ITGA2: variants seen among roughly 807,000 people sequenced by gnomAD.
ITGA2 encodes the protein integrin alpha-2.
Under a neutral mutation model 146.3 loss-of-function variants are expected in ITGA2, and 101 were observed. The observed-to-expected ratio is 0.69, with a 90% confidence interval of 0.59 to 0.81. The LOEUF is 0.81. Among genes scored for constraint, ITGA2 ranks in the 40% least tolerant of loss-of-function variants. ITGA2 has a pLI of 0.00. For missense variants in ITGA2, 1,281 were observed against 1,402.7 expected, an observed-to-expected ratio of 0.91 and a Z score of 1.39; for synonymous variants, 477 against 487.1, an observed-to-expected ratio of 0.98 and a Z score of 0.27.
chr5:53,003,745 A>C (rs1466803586), intron 1 of ITGA2, among the ~76,000 whole-genome samples: 2 of 152,214 alleles, frequency 1.3e-5, no homozygotes, highest in Non-Finnish European at 2.9e-5. Flanking sequence ...AAAGATTTCC[A>C]GACATATTTT....
chr5:53,079,270 G>A (rs1369910023), intron 24 of ITGA2, among the ~76,000 whole-genome samples: 1 of 152,126 alleles, frequency 6.6e-6, no homozygotes, highest in Non-Finnish European at 1.5e-5. Context: ...TTAACCAACA[G>A]AGCATTACTA....
intron 1 of ITGA2, among the ~76,000 whole-genome samples, chr5:53,023,068 T>G (rs1174810003): frequency 6.6e-6 from 1 of 152,238 alleles, no homozygotes; most frequent in Non-Finnish European, 1.5e-5. Flanking sequence ...GTCACCTTTG[T>G]TAAATATGTT....
chr5:53,018,750 T>G (rs1742524538), intron 1 of ITGA2, among the ~76,000 whole-genome samples: 1 of 152,176 alleles, frequency 6.6e-6, no homozygotes, highest in South Asian at 2.1e-4. Flanking sequence ...CTAAAATTAG[T>G]GAAATACTCT....
At chr5:53,021,206 A>G (rs1043465292) in intron 1 of ITGA2, among the ~76,000 whole-genome samples, 1 of 152,088 alleles carries the variant, frequency 6.6e-6, no homozygotes, top group Non-Finnish European at 1.5e-5. Context: ...TCTAGTTTAT[A>G]TGCTACCATT....
chr5:53,058,224 C>T (rs1008524209), intron 10 of ITGA2, 123 bp downstream of exon 10: 25 of 761,802 alleles, frequency 3.3e-5, no homozygotes, highest in Middle Eastern at 4.5e-4. Flanking sequence ...TTCCTAGTCA[C>T]GGTCATTTAG....
chr5:53,083,516 A>T (rs1390198062), intron 27 of ITGA2, 63 bp downstream of exon 27: 1 of 1,011,064 alleles, frequency 9.9e-7, no homozygotes, highest in East Asian at 2.4e-5. Context: ...TGCACTGACA[A>T]GTTCTTCCCC....
intron 1 of ITGA2, among the ~76,000 whole-genome samples, chr5:53,014,167 C>T (rs186332808): frequency 2.0e-4 from 30 of 152,140 alleles, no homozygotes; most frequent in Non-Finnish European, 3.2e-4. Context: ...TCAGCATCCT[C>T]GTCTTGTTCT....
chr5:53,075,520 G>T (rs566095926), intron 23 of ITGA2, among the ~76,000 whole-genome samples: 2 of 151,958 alleles, frequency 1.3e-5, no homozygotes, highest in Admixed American at 6.6e-5. Flanking sequence ...GAGTAGCCCA[G>T]AAAGGCAGAG....
chr5:53,046,435 C>A (rs1744091454), intron 4 of ITGA2, among the ~76,000 whole-genome samples: 1 of 151,844 alleles, frequency 6.6e-6, no homozygotes, highest in Non-Finnish European at 1.5e-5. Context: ...AACATCAGTG[C>A]ATAAATGAAT....
At chr5:53,040,202 A>C (rs932286064) in intron 2 of ITGA2, among the ~76,000 whole-genome samples, 3 of 152,210 alleles carry the variant, frequency 2.0e-5, no homozygotes, top group Non-Finnish European at 2.9e-5. Flanking sequence ...TATGACTGAA[A>C]TGTGATTTCA....
At chr5:53,058,171 A>C (rs2111952372) in intron 10 of ITGA2, 70 bp downstream of exon 10, 1 of 1,161,668 alleles carries the variant, frequency 8.6e-7, no homozygotes, top group South Asian at 1.2e-5. Context: ...GTAGCCTTAT[A>C]CATAAAATGG....
chr5:53,007,006 G>A (rs1741891149), intron 1 of ITGA2, among the ~76,000 whole-genome samples: 1 of 152,134 alleles, frequency 6.6e-6, no homozygotes, highest in Non-Finnish European at 1.5e-5. Flanking sequence ...ATCACAAACA[G>A]GGAGGTGTGA....
At chr5:53,037,238 C>A (rs1188553983) in intron 2 of ITGA2, among the ~76,000 whole-genome samples, 2 of 152,158 alleles carry the variant, frequency 1.3e-5, no homozygotes, top group Non-Finnish European at 2.9e-5. Flanking sequence ...GATAATTGAA[C>A]AGTAAGTGTT....
chr5:53,086,057 A>T (rs891938099), intron 27 of ITGA2, among the ~76,000 whole-genome samples: 1 of 152,040 alleles, frequency 6.6e-6, no homozygotes, highest in African/African-American at 2.4e-5. Context: ...GGTGCCCACC[A>T]CCATGCCCGG....
In ITGA2 at chr5:53,002,924, A is replaced by T. The variant is rs1055414011; in HGVS notation, c.64+13392A>T. 2.0e-5 allele frequency among the ~76,000 whole-genome samples: 3 copies of T among 152,158 alleles called. No homozygotes were observed. In the South Asian group the frequency reaches 6.2e-4, roughly 32 times the overall value. On this transcript the variant is annotated intron_variant, in intron 1 of 29. Coordinates refer to ENST00000296585, the MANE Select transcript of ITGA2 (RefSeq NM_002203.4). ...GGTGCATTTTTTCAAGTTACGATTT[A>T]AAAATGCCTATCTTTTGAAAAAAAA...
intron 1 of ITGA2, among the ~76,000 whole-genome samples, chr5:52,992,593 T>A (rs1052836768): frequency 6.6e-6 from 1 of 152,168 alleles, no homozygotes; most frequent in Non-Finnish European, 1.5e-5. Flanking sequence ...ACTCTCCAAA[T>A]TCTCTTGGCT....
At chr5:53,012,213 T>C (rs1009234408) in intron 1 of ITGA2, among the ~76,000 whole-genome samples, 2 of 152,140 alleles carry the variant, frequency 1.3e-5, no homozygotes, top group African/African-American at 4.8e-5. Context: ...CTGTACACTC[T>C]TGCTGAGAAT....
At chr5:53,015,015 A>G (rs1742333110) in intron 1 of ITGA2, among the ~76,000 whole-genome samples, 1 of 151,420 alleles carries the variant, frequency 6.6e-6, no homozygotes, top group African/African-American at 2.4e-5. Flanking sequence ...CTAGCAGTCT[A>G]TCTATCTTGT....
chr5:53,065,435 A>G (rs1390407171), intron 14 of ITGA2, among the ~76,000 whole-genome samples: 1 of 151,970 alleles, frequency 6.6e-6, no homozygotes, highest in Admixed American at 6.6e-5. Flanking sequence ...AATGAAACTA[A>G]AATAGGAAAT....
Sources: gnomAD v4.1 joint callset for allele counts (sites outside exome capture counted in the v4.1 genomes callset) on GRCh38, gnomAD v4.1.1 for gene constraint, MANE v1.5 for transcripts, NCBI Gene and HGNC (gene_info 2026-07-23, HGNC 2026-07-21) for gene names.